The following COL6A5 variants were observed in gnomAD, a reference collection of about 807,000 sequenced individuals.
The protein encoded by COL6A5 is collagen alpha-5(VI) chain.
In COL6A5, 48 loss-of-function variants were observed where a neutral mutation model predicts 65.6. The observed-to-expected ratio is 0.73, with a 90% CI of 0.58 to 0.93. COL6A5 has a LOEUF of 0.93. Ranked by LOEUF, COL6A5 falls within the 40% of genes least tolerant of loss-of-function variation. The pLI, the probability that COL6A5 is intolerant of heterozygous loss-of-function variation, is 0.00. For synonymous variants in COL6A5, 291 were observed against 322.8 expected (o/e 0.90, Z 1.05); for missense variants, 914 against 928.3 (o/e 0.98, Z 0.20).
chr3:130,443,582 C>G lies in COL6A5; in HGVS notation c.1332+16C>G. On this transcript the variant is annotated intron_variant, in intron 4 of 7. Coordinates refer to ENST00000512836, the Ensembl canonical transcript of COL6A5. Reference sequence around the variant, plus strand: ...ATGGTTTCCAGTAAGTTAGAAAGCTCTTATATTTACAAGTGACTGCTAATT... The same window carrying G: ...ATGGTTTCCAGTAAGTTAGAAAGCTGTTATATTTACAAGTGACTGCTAATT... 1 of 1,532,398 alleles carries G rather than the reference C, an allele frequency of 6.5e-7. No homozygotes were observed. The highest frequency in any genetic ancestry group is 9.0e-7 in the Non-Finnish European group (1 of 1,105,948). 94.9% of individuals were successfully genotyped at this position (1,532,398 alleles called of 1,614,324 possible).
intron 1 of COL6A5, among the ~76,000 whole-genome samples, chr3:130,353,090 C>T (rs1426810577): frequency 6.6e-6 from 1 of 152,144 alleles, no homozygotes; most frequent in Non-Finnish European, 1.5e-5. Flanking sequence ...GTTAAGATAG[C>T]TGACTGCAAA....
chr3:130,351,014 C>A (rs190439802), intron 1 of COL6A5, among the ~76,000 whole-genome samples: 35 of 152,246 alleles, frequency 2.3e-4, no homozygotes, highest in Admixed American at 1.6e-3. Context: ...CACCACACAT[C>A]GACAACCATC....
chr3:130,464,779 G>A lies in COL6A5; in HGVS notation c.1545-4016G>A, dbSNP rs147020020. Among the ~76,000 whole-genome samples, 473 of 152,168 alleles carry A rather than the reference G, an allele frequency of 3.1e-3. 2 individuals carry two copies. Among genetic ancestry groups the A allele is most frequent in the Non-Finnish European group, 5.4e-3 (369 of 67,986 alleles). Reference sequence around the variant, plus strand: ...AGAGTTTGCCACTGGGTTCCTGGTGGAGAGTAGGAGGCCCATAAATTTCAA... The same window carrying A: ...AGAGTTTGCCACTGGGTTCCTGGTGAAGAGTAGGAGGCCCATAAATTTCAA... On this transcript the variant is annotated intron_variant, in intron 5 of 7. Coordinates refer to ENST00000512836, the Ensembl canonical transcript of COL6A5.
intron 1 of COL6A5, among the ~76,000 whole-genome samples, chr3:130,432,748 C>T (rs1420711505): frequency 6.6e-6 from 1 of 152,036 alleles, no homozygotes; most frequent in African/African-American, 2.4e-5. Context: ...GAACAGCTGG[C>T]CTTAACCAGT....
chr3:130,449,797 G>A lies in COL6A5; in HGVS notation c.1333-5658G>A, dbSNP rs533996229. ...AAAGCAATTGAGCAATTGACTCACCGGCCAGAATGGAAACAGGAACCTTGG... is the reference window on the plus strand; with the variant it reads ...AAAGCAATTGAGCAATTGACTCACCAGCCAGAATGGAAACAGGAACCTTGG... On this transcript the variant is annotated intron_variant, in intron 4 of 7. Transcript: ENST00000512836. Among the ~76,000 whole-genome samples, 240 of 152,164 alleles carry A rather than the reference G, an allele frequency of 1.6e-3. 9 individuals carry two copies. The highest frequency in any genetic ancestry group is 1.5e-3 in the Non-Finnish European group (103 of 68,002).
chr3:130,464,837 T>C (rs1049441870), intron 5 of COL6A5, among the ~76,000 whole-genome samples: 2 of 152,180 alleles, frequency 1.3e-5, no homozygotes, highest in South Asian at 2.1e-4. Context: ...CCTGGTCAAT[T>C]ACTATAAATG....
exon 12 of COL6A5, chr3:130,401,794 A>G (rs1936825612): frequency 6.4e-7 from 1 of 1,551,550 alleles, no homozygotes; most frequent in Admixed American, 2.0e-5. Flanking sequence ...GCTGCTGTAC[A>G]TTCTGCAAAT....
At chr3:130,382,638 A>G (rs1298926077) in intron 4 of COL6A5, among the ~76,000 whole-genome samples, 4 of 152,120 alleles carry the variant, frequency 2.6e-5, no homozygotes, top group African/African-American at 9.7e-5. Flanking sequence ...ACCTTAGTGA[A>G]GTTTCTGTGA....
chr3:130,393,078 G>C (rs60512937), intron 7 of COL6A5, among the ~76,000 whole-genome samples: 1 of 121,740 alleles, frequency 8.2e-6, no homozygotes, highest in African/African-American at 3.7e-5. Flanking sequence ...TTTTTTTTTT[G>C]TGTGTGTGTG....
intron 12 of COL6A5, 80 bp from the exon 13 acceptor site, chr3:130,403,529 T>G: frequency 7.9e-7 from 1 of 1,258,494 alleles, no homozygotes; most frequent in Admixed American, 2.1e-5. Flanking sequence ...AGGGACTTGC[T>G]TAGAATGCCT....
intron 2 of COL6A5, among the ~76,000 whole-genome samples, 197 bp from the exon 35 acceptor site, chr3:130,439,969 T>G (rs1709134801): frequency 6.6e-6 from 1 of 152,146 alleles, no homozygotes; most frequent in Non-Finnish European, 1.5e-5. Flanking sequence ...ACAAAGCCCT[T>G]CCCTTATTGT....
intron 1 of COL6A5, among the ~76,000 whole-genome samples, chr3:130,370,611 TA>T (rs1935519517): frequency 6.6e-6 from 1 of 151,934 alleles, no homozygotes; most frequent in Non-Finnish European, 1.5e-5. Context: ...GCATGAACAA[TA>T]AAAAAGACAG....
At chr3:130,462,763 A>C (rs1250647970) in intron 5 of COL6A5, among the ~76,000 whole-genome samples, 1 of 152,066 alleles carries the variant, frequency 6.6e-6, no homozygotes, top group Non-Finnish European at 1.5e-5. Flanking sequence ...TTACTTTTGG[A>C]AGAAAACGTT....
intron 20 of COL6A5, among the ~76,000 whole-genome samples, chr3:130,412,646 A>C (rs1937213926): frequency 6.6e-6 from 1 of 152,082 alleles, no homozygotes; most frequent in Admixed American, 6.6e-5. Flanking sequence ...AGCTTTGGAG[A>C]TTGATTCTGG....
chr3:130,426,513 C>T (rs1937605912), upstream of COL6A5: 48 of 1,092,920 alleles, frequency 4.4e-5, no homozygotes, highest in South Asian at 6.5e-4. Flanking sequence ...TGGTGGGAAG[C>T]CTCTGTAACA....
chr3:130,449,758 G>T (rs564457642), intron 4 of COL6A5, among the ~76,000 whole-genome samples: 98 of 152,124 alleles, frequency 6.4e-4, no homozygotes, highest in African/African-American at 2.3e-3. Flanking sequence ...TGTTTAAAAC[G>T]GTATTAGGTA....
At chr3:130,421,100 T>A in intron 25 of COL6A5, 53 bp from the exon 26 acceptor site, 4 of 1,496,306 alleles carry the variant, frequency 2.7e-6, no homozygotes, top group Non-Finnish European at 3.6e-6. Context: ...CAGTATAGAT[T>A]AAAATTAATT....
At chr3:130,425,939 A>T (rs1937593968) in intron 29 of COL6A5, among the ~76,000 whole-genome samples, 1 of 152,174 alleles carries the variant, frequency 6.6e-6, no homozygotes, top group African/African-American at 2.4e-5. Flanking sequence ...TTTAAGAAAT[A>T]CCTTTGTTTC....
At chr3:130,478,014 C>T (rs1342550809) in intron 7 of COL6A5, among the ~76,000 whole-genome samples, 1 of 152,018 alleles carries the variant, frequency 6.6e-6, no homozygotes, top group African/African-American at 2.4e-5. Context: ...AAGAGTTAAT[C>T]CTGGAGCCAG....
Sources: gnomAD v4.1 joint callset for allele counts (sites outside exome capture counted in the v4.1 genomes callset) on GRCh38, gnomAD v4.1.1 for gene constraint, MANE v1.5 for transcripts, NCBI Gene and HGNC (gene_info 2026-07-23, HGNC 2026-07-21) for gene names.